The following XPR1 variants were observed in gnomAD, a reference collection of about 807,000 sequenced individuals.
XPR1 encodes the protein solute carrier family 53 member 1.
A neutral mutation model predicts 87.5 loss-of-function variants in XPR1; 28 were observed. The ratio of observed to expected loss-of-function variants is 0.32; its 90% CI spans 0.24 to 0.44. The LOEUF is 0.44. Among genes scored for constraint, XPR1 ranks in the 20% least tolerant of loss-of-function variants. The pLI is 1.00. For missense variants in XPR1, 559 were observed against 862.3 expected (o/e 0.65, Z 4.41); for synonymous variants, 300 against 306.1 (o/e 0.98, Z 0.21).
intron 2 of XPR1, among the ~76,000 whole-genome samples, chr1:180,768,148 A>G (rs1010579605): frequency 3.3e-5 from 5 of 152,114 alleles, no homozygotes; most frequent in African/African-American, 4.8e-5. Context: ...CCGGCCCACA[A>G]GAAACTTTTT....
chr1:180,726,387 C>T (rs1030192249), intron 2 of XPR1, among the ~76,000 whole-genome samples: 1 of 152,182 alleles, frequency 6.6e-6, no homozygotes, highest in Non-Finnish European at 1.5e-5. Flanking sequence ...CTGCTGCTCA[C>T]TCTTTGGGTC....
intron 9 of XPR1, among the ~76,000 whole-genome samples, chr1:180,826,277 A>G (rs543530447): frequency 6.6e-6 from 1 of 152,190 alleles, no homozygotes; most frequent in Non-Finnish European, 1.5e-5. Flanking sequence ...GAGGCCAGGT[A>G]CAGTCGCTCA....
intron 11 of XPR1, 31 bp from the exon 12 acceptor site, chr1:180,863,677 T>C: frequency 2.0e-6 from 3 of 1,515,356 alleles, no homozygotes; most frequent in South Asian, 2.7e-5. Flanking sequence ...GTAGTAATTT[T>C]CTCTTTTCTC....
intron 1 of XPR1, among the ~76,000 whole-genome samples, chr1:180,650,174 AAAG>A: frequency 6.8e-6 from 1 of 146,618 alleles, no homozygotes; most frequent in Non-Finnish European, 1.5e-5. Flanking sequence ...TTTGGGAAGG[AAAG>A]AAGATGTATA....
At chr1:180,685,263 G>A (rs1656724428) in intron 2 of XPR1, among the ~76,000 whole-genome samples, 1 of 152,078 alleles carries the variant, frequency 6.6e-6, no homozygotes, top group Non-Finnish European at 1.5e-5. Flanking sequence ...TTTGTCTTTG[G>A]TTCTGTTTAT....
chr1:180,703,224 ATG>A (rs1471172519), intron 2 of XPR1, among the ~76,000 whole-genome samples: 1 of 151,636 alleles, frequency 6.6e-6, no homozygotes, highest in African/African-American at 2.4e-5. Context: ...ACTGGATGGC[ATG>A]TGTGGATGCC....
intron 1 of XPR1, among the ~76,000 whole-genome samples, chr1:180,670,805 A>G (rs1656143715): frequency 6.6e-6 from 1 of 152,174 alleles, no homozygotes; most frequent in Non-Finnish European, 1.5e-5. Context: ...GTAGTAACAA[A>G]CTTCTTCAGC....
At chr1:180,697,572 A>T (rs1657210343) in intron 2 of XPR1, among the ~76,000 whole-genome samples, 1 of 151,966 alleles carries the variant, frequency 6.6e-6, no homozygotes, top group Non-Finnish European at 1.5e-5. Context: ...TACTTGTTTG[A>T]TATAGGTATT....
intron 2 of XPR1, among the ~76,000 whole-genome samples, chr1:180,715,900 C>G (rs551089021): frequency 6.6e-6 from 1 of 152,042 alleles, no homozygotes; most frequent in Non-Finnish European, 1.5e-5. Context: ...CTCCAACTTC[C>G]GACCTCAGAT....
intron 1 of XPR1, among the ~76,000 whole-genome samples, chr1:180,642,453 A>G (rs1384098229): frequency 6.6e-6 from 1 of 152,090 alleles, no homozygotes; most frequent in Admixed American, 6.6e-5. Flanking sequence ...AATAATGAGG[A>G]TAATAACAAC....
In XPR1 at chr1:180,664,323, T is replaced by TCA. The variant is rs535610695; in HGVS notation, c.70-18036_70-18035dup. On this transcript the variant is annotated intron_variant, in intron 1 of 14. Transcript: ENST00000367590. ...CTACCTGTTTACCACTGCTGCTTAT[T>TCA]CAGGGCCCAAGGGTTCTGTGTTCAG... Among the ~76,000 whole-genome samples the TCA allele has an allele frequency of 3.7e-4, 57 of 152,294 alleles. No homozygotes were observed. In the East Asian group the frequency reaches 3.9e-3, roughly 10 times the overall value.
chr1:180,857,018 A>T (rs1652054917), intron 11 of XPR1, among the ~76,000 whole-genome samples: 1 of 152,278 alleles, frequency 6.6e-6, no homozygotes, highest in Non-Finnish European at 1.5e-5. Flanking sequence ...TGTGAAGGAT[A>T]TCAATTTTAT....
intron 11 of XPR1, among the ~76,000 whole-genome samples, chr1:180,853,792 T>TG (rs773604901): frequency 8.3e-5 from 2 of 24,020 alleles, no homozygotes; most frequent in Non-Finnish European, 3.4e-4. Context: ...ATTCATGTGG[T>TG]TTTTTTTTTT....
At chr1:180,859,506 A>G (rs1057271514) in intron 11 of XPR1, among the ~76,000 whole-genome samples, 14 of 152,268 alleles carry the variant, frequency 9.2e-5, no homozygotes, top group African/African-American at 3.1e-4. Context: ...TAAAGTGATA[A>G]TATCTTTCCA....
In XPR1 at chr1:180,856,946, G is replaced by T. The variant is rs940175272; in HGVS notation, c.1502-6762G>T. ...ATTTGAAGTGTGCCTAATCTAAATC[G>T]AAATGTGCCGTAAGTATAACATACA... is the stretch of plus-strand genomic sequence containing the variant. On this transcript the variant is annotated intron_variant, in intron 11 of 14. Coordinates refer to ENST00000367590, the MANE Select transcript of XPR1 (RefSeq NM_004736.4). Among the ~76,000 whole-genome samples, 15 of 152,196 alleles carry T rather than the reference G, an allele frequency of 9.9e-5. No individual in the cohort carries two copies. The East Asian group carries it at 2.9e-3, about 29-fold the overall frequency.
intron 2 of XPR1, among the ~76,000 whole-genome samples, chr1:180,755,002 G>A (rs79488119): frequency 0.025 from 3,737 of 152,242 alleles, 166 homozygotes; most frequent in African/African-American, 0.084. Flanking sequence ...AAGGAAATAT[G>A]TTCAAAGTAA....
intron 2 of XPR1, among the ~76,000 whole-genome samples, chr1:180,731,480 G>A (rs1047572072): frequency 6.6e-6 from 1 of 152,126 alleles, no homozygotes; most frequent in African/African-American, 2.4e-5. Flanking sequence ...GTGATCTGGT[G>A]AGTTTCAGTT....
intron 7 of XPR1, among the ~76,000 whole-genome samples, chr1:180,824,524 T>C (rs1650755734): frequency 6.6e-6 from 1 of 152,010 alleles, no homozygotes; most frequent in African/African-American, 2.4e-5. Flanking sequence ...GAGGTTGCAG[T>C]GAGCCGAGAT....
At chr1:180,780,767 C>CAAAAAAAAAAAAAAAAAA (rs756960289) in intron 2 of XPR1, among the ~76,000 whole-genome samples, 4 of 106,100 alleles carry the variant, frequency 3.8e-5, no homozygotes, top group African/African-American at 1.5e-4. Flanking sequence ...GACTCTGTCT[C>CAAAAAAAAAAAAAAAAAA]AAAAAAAAAA....
Sources: gnomAD v4.1 joint callset for allele counts (sites outside exome capture counted in the v4.1 genomes callset) on GRCh38, gnomAD v4.1.1 for gene constraint, MANE v1.5 for transcripts, NCBI Gene and HGNC (gene_info 2026-07-23, HGNC 2026-07-21) for gene names.